Variants in RNF10 observed in about 807,000 individuals in gnomAD.
RNF10 encodes ring finger protein 10, also known as E3 ubiquitin-protein ligase RNF10.
Under a neutral mutation model 91.4 loss-of-function variants are expected in RNF10, and 38 were observed. The observed-to-expected ratio is 0.42, with a 90% confidence interval of 0.32 to 0.54. The LOEUF is 0.54. Ranked by LOEUF, RNF10 falls within the 20% of genes least tolerant of loss-of-function variation. RNF10 has a pLI of 0.16. For synonymous variants in RNF10, 364 were observed against 366.3 expected (o/e 0.99, Z 0.07); for missense variants, 945 against 1,012.0 (o/e 0.93, Z 0.90).
At chr12:120,572,989 A>T (rs994966621) in intron 14 of RNF10, among the ~76,000 whole-genome samples, 1 of 150,622 alleles carries the variant, frequency 6.6e-6, no homozygotes, top group African/African-American at 2.5e-5. Flanking sequence ...TTGAAAGAAT[A>T]GTATTATGAA....
rs1873880951 is a variant in RNF10, at chr12:120,555,685, G to A, written c.645+877G>A. 2.0e-5 allele frequency among the ~76,000 whole-genome samples: 3 copies of A among 151,260 alleles called. No individual in the cohort carries two copies. The South Asian group carries it at 6.3e-4, about 32-fold the overall frequency. The stretch of plus-strand genomic sequence containing the variant: ...TTTTGTATTTTTTTTTAGTAGAGAT[G>A]GGGTTTCTCCATGTTGGTCAGGCTG... On this transcript the variant is annotated intron_variant, in intron 4 of 16. Coordinates refer to ENST00000325954, the MANE Select transcript of RNF10 (RefSeq NM_014868.5).
At chr12:120,568,417 C>A (rs1420819768) in intron 13 of RNF10, among the ~76,000 whole-genome samples, 1 of 151,654 alleles carries the variant, frequency 6.6e-6, no homozygotes, top group East Asian at 1.9e-4. Flanking sequence ...TAAAGAGTTA[C>A]TATAATTTCA....
At chr12:120,567,127 CT>C in intron 13 of RNF10, 147 bp downstream of exon 13, 1 of 708,096 alleles carries the variant, frequency 1.4e-6, no homozygotes, top group Non-Finnish European at 2.2e-6. Flanking sequence ...ACATCAAATT[CT>C]TTTATTCATC....
At chr12:120,547,960 T>G (rs1283396479) in intron 2 of RNF10, among the ~76,000 whole-genome samples, 1 of 152,048 alleles carries the variant, frequency 6.6e-6, no homozygotes, top group African/African-American at 2.4e-5. Flanking sequence ...GTGAGAGACG[T>G]TAAGATTTGA....
intron 13 of RNF10, among the ~76,000 whole-genome samples, chr12:120,570,015 C>G (rs988433021): frequency 1.3e-5 from 2 of 151,936 alleles, no homozygotes; most frequent in African/African-American, 4.8e-5. Context: ...GCCCCAGCCT[C>G]CTGAGTAGCT....
intron 1 of RNF10, among the ~76,000 whole-genome samples, chr12:120,543,929 C>T (rs981191627): frequency 5.3e-5 from 8 of 151,698 alleles, no homozygotes; most frequent in African/African-American, 1.9e-4. Flanking sequence ...TGCTTTCCAC[C>T]CTGGGGGAAT....
intron 1 of RNF10, among the ~76,000 whole-genome samples, chr12:120,540,910 A>AGTG (rs1157036954): frequency 4.1e-5 from 6 of 146,448 alleles, no homozygotes; most frequent in African/African-American, 1.0e-4. Context: ...GCTGGAGTGT[A>AGTG]GTGGTGCAGT....
At chr12:120,565,274 G>T (rs181488456) in intron 11 of RNF10, 85 bp downstream of exon 11, 167 of 1,158,066 alleles carry the variant, frequency 1.4e-4, no homozygotes, top group Middle Eastern at 1.0e-3. Context: ...GGAAACTTAT[G>T]GAACTGTATC....
At chr12:120,545,444 G>A (rs902469319) in intron 1 of RNF10, among the ~76,000 whole-genome samples, 2 of 150,776 alleles carry the variant, frequency 1.3e-5, no homozygotes, top group Admixed American at 6.7e-5. Context: ...CGCCCACCTC[G>A]GCCTCCCAAA....
intron 1 of RNF10, among the ~76,000 whole-genome samples, chr12:120,537,320 G>A (rs1187407504): frequency 6.6e-6 from 1 of 151,646 alleles, no homozygotes; most frequent in Non-Finnish European, 1.5e-5. Context: ...CTCAAAACAA[G>A]AAAACTTCTG....
chr12:120,562,970 T>C lies in RNF10; in HGVS notation c.1154T>C (p.Leu385Ser), dbSNP rs1452809388. 1 of 1,614,080 alleles carries C rather than the reference T, an allele frequency of 6.2e-7. No homozygotes were observed. The highest frequency in any genetic ancestry group is 8.5e-7 in the Non-Finnish European group (1 of 1,179,988). Reference protein sequence around the residue: ...LKTREEALSGLAGSRREVTGV... With the variant: ...LKTREEALSGSAGSRREVTGV... ...ACTCGGGAAGAGGCTCTGTCGGGAT[T>C]GGCCGGAAGCAGAAGGGAGGTCACT... Residue 385 changes from leucine (L) to serine (S), a missense_variant, in exon 8 of 17, where the codon TTG (leucine) becomes TCG (serine). Physicochemically the swap from Leu to Ser is moderately radical, Grantham distance 145 (BLOSUM62 -2). Transcript: ENST00000325954.
chr12:120,557,703 G>C, intron 6 of RNF10, 21 bp downstream of exon 6: 3 of 1,613,276 alleles, frequency 1.9e-6, no homozygotes, highest in Non-Finnish European at 2.5e-6. Context: ...TAAATTTTGG[G>C]GACAAATAAT....
At chr12:120,556,881 G>A (rs959754214) in intron 4 of RNF10, among the ~76,000 whole-genome samples, 9 of 151,868 alleles carry the variant, frequency 5.9e-5, no homozygotes, top group Non-Finnish European at 1.2e-4. Flanking sequence ...AGCCAGGCGC[G>A]GTGGCTCACG....
intron 3 of RNF10, 142 bp from the exon 4 acceptor site, chr12:120,554,576 C>G: frequency 1.6e-6 from 1 of 644,902 alleles, no homozygotes; most frequent in Non-Finnish European, 2.8e-6. Context: ...AGAACTGAGG[C>G]TGAGGTCCTA....
intron 8 of RNF10, 66 bp from the exon 9 acceptor site, chr12:120,563,281 A>G: frequency 6.4e-7 from 1 of 1,552,626 alleles, no homozygotes; most frequent in Admixed American, 1.8e-5. Flanking sequence ...TTAGGTCTGC[A>G]TTTGCCACAT....
Position 120,556,069 on chromosome 12 carries a change from G to A in RNF10, c.646-1213G>A, listed in dbSNP as rs138164075. Among the ~76,000 whole-genome samples, 1,344 of 151,956 alleles carry A rather than the reference G, an allele frequency of 8.8e-3. 20 individuals carry two copies. Among genetic ancestry groups the A allele is most frequent in the African/African-American group, 0.03 (1,263 of 41,452 alleles). ...CTCCCAAAGTGTTGGGATTACAGGC[G>A]TGAGCCACCACGCCCAGCTTCAGTT... On this transcript the variant is annotated intron_variant, in intron 4 of 16. Transcript: ENST00000325954.
chr12:120,553,253 T>C (rs935067967), intron 3 of RNF10, among the ~76,000 whole-genome samples: 6 of 150,860 alleles, frequency 4.0e-5, no homozygotes, highest in African/African-American at 1.5e-4. Flanking sequence ...CCGTCTAATT[T>C]TTTTATTTTT....
intron 13 of RNF10, among the ~76,000 whole-genome samples, chr12:120,569,037 C>T (rs1388140126): frequency 6.6e-6 from 1 of 152,150 alleles, no homozygotes; most frequent in Admixed American, 6.5e-5. Flanking sequence ...ATAGTGCAAT[C>T]TCAGCTTACT....
rs537424633 is a variant in RNF10, at chr12:120,577,247, G to A, written c.*581G>A. 1.1e-5 allele frequency: 5 copies of A among 437,394 alleles called. No homozygotes were observed. Among genetic ancestry groups the A allele is most frequent in the African/African-American group, 2.1e-5 (1 of 48,312 alleles). The allele number at this position is 437,394 out of a possible 1,614,324, so 27.1% of individuals were successfully genotyped here. ...AGCTTAATGGAGTAGGCTGTCCTTG[G>A]CACTTGCATGTGTGAAAGGAGGGTT... On this transcript the variant is annotated 3_prime_UTR_variant, in exon 17 of 17. Transcript: ENST00000325954.
Sources: gnomAD v4.1 joint callset for allele counts (sites outside exome capture counted in the v4.1 genomes callset) on GRCh38, gnomAD v4.1.1 for gene constraint, MANE v1.5 for transcripts, NCBI Gene and HGNC (gene_info 2026-07-23, HGNC 2026-07-21) for gene names.